TRPM8: variants seen among roughly 807,000 people sequenced by gnomAD.
TRPM8 encodes transient receptor potential cation channel subfamily M member 8.
Under a neutral mutation model 133.7 loss-of-function variants are expected in TRPM8, and 110 were observed. The observed-to-expected ratio is 0.82, with a 90% CI of 0.70 to 0.96. The LOEUF (loss-of-function observed/expected upper bound fraction) is 0.96. TRPM8 is among the 40% of genes least tolerant of loss of function. The probability of loss-of-function intolerance (pLI) is 0.00; values close to 1 mark genes in which losing one functional copy is unlikely to be tolerated. For synonymous variants in TRPM8, 535 were observed against 532.3 expected (o/e 1.01, Z -0.07); for missense variants, 1,291 against 1,379.5 (o/e 0.94, Z 1.02).
chr2:233,952,487 A>G (rs1301173330), intron 9 of TRPM8, among the ~76,000 whole-genome samples: 1 of 151,822 alleles, frequency 6.6e-6, no homozygotes, highest in Non-Finnish European at 1.5e-5. Context: ...TGGTGGTGGG[A>G]ACAGCATGTG....
intron 1 of TRPM8, among the ~76,000 whole-genome samples, chr2:233,925,844 G>A (rs1691503583): frequency 6.6e-6 from 1 of 152,112 alleles, no homozygotes; most frequent in African/African-American, 2.4e-5. Context: ...TGGGAGACGA[G>A]GGGAGAGGGG....
At chr2:233,936,070 G>A (rs939415266) in intron 3 of TRPM8, among the ~76,000 whole-genome samples, 8 of 152,256 alleles carry the variant, frequency 5.3e-5, no homozygotes, top group African/African-American at 1.7e-4. Context: ...CAGGCCCAGC[G>A]AAACACTGTG....
At chr2:233,959,298 T>C (rs1313541263) in intron 11 of TRPM8, among the ~76,000 whole-genome samples, 1 of 151,332 alleles carries the variant, frequency 6.6e-6, no homozygotes, top group Non-Finnish European at 1.5e-5. Flanking sequence ...AGTGCTGGGA[T>C]TACAGGTGTG....
At chr2:234,006,167 C>T (rs571524297) in intron 22 of TRPM8, among the ~76,000 whole-genome samples, 1 of 152,092 alleles carries the variant, frequency 6.6e-6, no homozygotes, top group East Asian at 1.9e-4. Flanking sequence ...GCTCTCTTGT[C>T]CCCGTGAATT....
intron 3 of TRPM8, among the ~76,000 whole-genome samples, chr2:233,936,215 G>A (rs1029083377): frequency 1.3e-5 from 2 of 152,182 alleles, no homozygotes; most frequent in Middle Eastern, 3.2e-3. Flanking sequence ...TTAAAGGCAG[G>A]AAGGACATCC....
intron 2 of TRPM8, among the ~76,000 whole-genome samples, 166 bp downstream of exon 2, chr2:233,926,820 TCA>T (rs1221177517): frequency 2.0e-5 from 3 of 152,186 alleles, no homozygotes; most frequent in Non-Finnish European, 4.4e-5. Flanking sequence ...GAGCCTTGAA[TCA>T]CAGTCCCTTC....
At chr2:233,928,008 C>T (rs1374627633) in intron 2 of TRPM8, among the ~76,000 whole-genome samples, 6 of 143,232 alleles carry the variant, frequency 4.2e-5, no homozygotes, top group African/African-American at 8.0e-5. Flanking sequence ...CTCGCTGTAT[C>T]GCCCAGGCTG....
chr2:234,015,228 T>C (rs979493092), intron 25 of TRPM8, among the ~76,000 whole-genome samples: 1 of 152,228 alleles, frequency 6.6e-6, no homozygotes, highest in African/African-American at 2.4e-5. Context: ...CTTTGCTCCA[T>C]GGTCTTACTG....
At chr2:233,922,628 A>G (rs547615296) in intron 1 of TRPM8, among the ~76,000 whole-genome samples, 13 of 152,202 alleles carry the variant, frequency 8.5e-5, no homozygotes, top group African/African-American at 3.1e-4. Context: ...AGAGCTGCCT[A>G]AAGTTATGTG....
At chr2:233,988,711 C>G (rs921059433) in intron 21 of TRPM8, among the ~76,000 whole-genome samples, 5 of 152,158 alleles carry the variant, frequency 3.3e-5, no homozygotes, top group African/African-American at 1.2e-4. Context: ...GAAACTCTCC[C>G]TCACCACCTA....
At chr2:233,961,310 C>CT (rs1476082972) in intron 12 of TRPM8, among the ~76,000 whole-genome samples, 1 of 151,908 alleles carries the variant, frequency 6.6e-6, no homozygotes, top group Non-Finnish European at 1.5e-5. Context: ...TGCAGTTTTC[C>CT]TTTTTTTGTT....
At chr2:233,928,249 G>A (rs1691608699) in intron 2 of TRPM8, among the ~76,000 whole-genome samples, 2 of 151,990 alleles carry the variant, frequency 1.3e-5, no homozygotes, top group Admixed American at 1.3e-4. Flanking sequence ...GATCACAGGC[G>A]TGACCCACTG....
intron 4 of TRPM8, among the ~76,000 whole-genome samples, chr2:233,938,450 G>C (rs1356141565): frequency 1.3e-5 from 2 of 152,200 alleles, no homozygotes; most frequent in South Asian, 4.1e-4. Context: ...GCCTTAAGAG[G>C]TTCTGACAAC....
At chr2:233,984,467 G>A (rs1249477056) in intron 20 of TRPM8, among the ~76,000 whole-genome samples, 1 of 152,208 alleles carries the variant, frequency 6.6e-6, no homozygotes, top group Admixed American at 6.5e-5. Flanking sequence ...ACAGTTGTGT[G>A]AACAGAGCTG....
chr2:233,974,853 CAT>C lies in TRPM8; in HGVS notation c.2355+4428_2355+4429del, dbSNP rs199998514. On this transcript the variant is annotated intron_variant, in intron 17 of 25. Coordinates refer to ENST00000324695, the MANE Select transcript of TRPM8 (RefSeq NM_024080.5). ...TTCATAGCCTGGTGGGGAAATGAGT[CAT>C]GAGCACAAATTAGCAGAGAGAGAGA... 2.0e-3 allele frequency among the ~76,000 whole-genome samples: 311 copies of C among 151,884 alleles called. 4 individuals carry two copies. In the East Asian group the frequency reaches 0.053, roughly 26 times the overall value.
At chr2:233,972,686 T>G (rs567972862) in intron 17 of TRPM8, among the ~76,000 whole-genome samples, 15 of 152,260 alleles carry the variant, frequency 9.9e-5, no homozygotes, top group African/African-American at 3.6e-4. Flanking sequence ...GGGGACCCAG[T>G]ACACTCTCCG....
chr2:234,002,415 A>G (rs1411500960), intron 22 of TRPM8, among the ~76,000 whole-genome samples: 1 of 152,176 alleles, frequency 6.6e-6, no homozygotes, highest in Non-Finnish European at 1.5e-5. Flanking sequence ...AAAACTGTAG[A>G]CAGGAGACAC....
intron 18 of TRPM8, 115 bp downstream of exon 18, chr2:233,980,394 A>G: frequency 3.0e-6 from 2 of 664,758 alleles, no homozygotes; most frequent in Non-Finnish European, 4.9e-6. Flanking sequence ...AGATTATTAC[A>G]CAAGACCATG....
intron 1 of TRPM8, among the ~76,000 whole-genome samples, chr2:233,919,653 C>G (rs1203922097): frequency 6.6e-6 from 1 of 151,532 alleles, no homozygotes; most frequent in Non-Finnish European, 1.5e-5. Context: ...TTACATGGAT[C>G]CATCTTGCCA....
Sources: gnomAD v4.1 joint callset for allele counts (sites outside exome capture counted in the v4.1 genomes callset) on GRCh38, gnomAD v4.1.1 for gene constraint, MANE v1.5 for transcripts, NCBI Gene and HGNC (gene_info 2026-07-23, HGNC 2026-07-21) for gene names.